DISP1: variants seen among roughly 807,000 people sequenced by gnomAD.
The protein encoded by DISP1 is protein dispatched homolog 1.
A neutral mutation model predicts 37.3 loss-of-function variants in DISP1; 30 were observed. The observed-to-expected ratio is 0.80, with a 90% CI of 0.60 to 1.09. The LOEUF (loss-of-function observed/expected upper bound fraction) is 1.09, where lower values mean the gene tolerates loss of function less well. Among genes scored for constraint, DISP1 ranks in the 50% least tolerant of loss-of-function variants. The pLI is 0.00. For synonymous variants in DISP1, 634 were observed against 690.2 expected, an observed-to-expected ratio of 0.92 and a Z score of 1.28; for missense variants, 1,598 against 1,879.5, an observed-to-expected ratio of 0.85 and a Z score of 2.77.
At chr1:222,930,937 C>T (rs1331332454) in intron 2 of DISP1, among the ~76,000 whole-genome samples, 2 of 151,926 alleles carry the variant, frequency 1.3e-5, no homozygotes, top group African/African-American at 4.8e-5. Flanking sequence ...CCAAGTTGCT[C>T]AGTAGACTAA....
intron 1 of DISP1, among the ~76,000 whole-genome samples, chr1:222,815,351 C>T (rs1660914490): frequency 6.6e-6 from 1 of 151,812 alleles, no homozygotes; most frequent in South Asian, 2.1e-4. Context: ...CTGGAGGTTG[C>T]GGATGACACG....
chr1:222,844,840 G>C (rs1489053687), intron 1 of DISP1, among the ~76,000 whole-genome samples: 1 of 152,114 alleles, frequency 6.6e-6, no homozygotes, highest in African/African-American at 2.4e-5. Flanking sequence ...AGCAAAGTGA[G>C]ATTTAGAATA....
intron 1 of DISP1, among the ~76,000 whole-genome samples, chr1:222,820,448 G>T (rs920112213): frequency 5.9e-5 from 9 of 152,174 alleles, no homozygotes; most frequent in African/African-American, 1.9e-4. Context: ...AAGTTACTGA[G>T]AGGGCTTCCT....
intron 3 of DISP1, among the ~76,000 whole-genome samples, chr1:222,946,188 A>G (rs1311950215): frequency 2.7e-5 from 4 of 148,360 alleles, no homozygotes; most frequent in African/African-American, 7.5e-5. Context: ...CCTAGCTAAC[A>G]CAGTGAAATC....
intron 1 of DISP1, among the ~76,000 whole-genome samples, chr1:222,832,853 G>A (rs34761499): frequency 0.11 from 16,528 of 151,236 alleles, 1,278 homozygotes; most frequent in South Asian, 0.16. Flanking sequence ...CCGAGGTCAC[G>A]CCACTGCACT....
At chr1:222,859,194 A>G (rs1393403863) in intron 1 of DISP1, among the ~76,000 whole-genome samples, 1 of 152,204 alleles carries the variant, frequency 6.6e-6, no homozygotes, top group Non-Finnish European at 1.5e-5. Context: ...ACATGGATGG[A>G]GCTGGAAGCC....
rs1673655926 is a variant in DISP1 at position 222,935,365 on chromosome 1, A to G, written c.-18+6795A>G. Among the ~76,000 whole-genome samples the G allele has an allele frequency of 2.0e-5, 3 of 152,182 alleles. No individual in the cohort carries two copies. In the South Asian group the frequency reaches 6.2e-4, roughly 31 times the overall value. On this transcript the variant is annotated intron_variant, in intron 2 of 8. Coordinates refer to ENST00000675850, the MANE Select transcript of DISP1 (RefSeq NM_001377229.1). Reference sequence around the variant, plus strand: ...ATCTGGTGAAGCAAAGAGTTATTCTAAAATACATCATCTGAGTGTACAGAA... The same window carrying G: ...ATCTGGTGAAGCAAAGAGTTATTCTGAAATACATCATCTGAGTGTACAGAA...
rs752301395 is a variant in DISP1 at position 223,002,634 on chromosome 1, A to G, written c.1237A>G (p.Asn413Asp). The change falls in exon 9 of 9, where the codon AAT becomes GAT. Residue 413 changes from asparagine to aspartate, a missense_variant. Asn to Asp is a conservative substitution (Grantham distance 23). Coordinates refer to ENST00000675850, the MANE Select transcript of DISP1 (RefSeq NM_001377229.1). ...AAGAAAGGACCAGCTCAAGTGCACC[A>G]ATGTGCCACGCAAATGTACCAAGTA... ...ARRKDQLKCT[N>D]VPRKCTKYNA... 1.9e-6 allele frequency: 3 copies of G among 1,614,072 alleles called. No individual in the cohort carries two copies. The African/African-American group carries it at 4.0e-5, about 22-fold the overall frequency.
chr1:222,919,159 CTTAA>C (rs1258663623), intron 1 of DISP1, among the ~76,000 whole-genome samples: 1 of 152,188 alleles, frequency 6.6e-6, no homozygotes, highest in Non-Finnish European at 1.5e-5. Flanking sequence ...AATTGCCTTT[CTTAA>C]TTAATTAAAA....
Position 223,004,275 on chromosome 1 carries a change from G to A in DISP1, c.2878G>A (p.Glu960Lys). The A allele has an allele frequency of 2.2e-5, 35 of 1,614,124 alleles. No homozygotes were observed. The highest frequency in any genetic ancestry group is 2.9e-5 in the Non-Finnish European group (34 of 1,180,002). The change falls in exon 9 of 9, where the codon GAA (glutamate) becomes AAA (lysine). Residue 960 changes from glutamate (E) to lysine (K), a missense_variant. Coordinates refer to ENST00000675850, the MANE Select transcript of DISP1 (RefSeq NM_001377229.1). The surrounding 1 kb of genome is among the most constrained non-coding windows in gnomAD (Gnocchi z 4.9). ...WISSELSSAPEGLSNGWFVSN... is the reference protein window; with the variant it reads ...WISSELSSAPKGLSNGWFVSN... ...ATCCAGTGAGCTGAGTTCGGCCCCT[G>A]AAGGCCTCAGCAATGGTTGGTTTGT...
Position 223,003,575 on chromosome 1 carries a change from T to G in DISP1, c.2178T>G (p.Leu726=). 6.2e-7 allele frequency: 1 copy of G among 1,614,240 alleles called. No individual in the cohort carries two copies. Among genetic ancestry groups the G allele is most frequent in the South Asian group, 1.1e-5 (1 of 91,090 alleles). Residue 726 remains leucine (L), a synonymous_variant, in exon 9 of 9, where the codon CTT becomes CTG. Coordinates refer to ENST00000675850, the MANE Select transcript of DISP1 (RefSeq NM_001377229.1). The surrounding 1 kb of genome is among the most constrained non-coding windows in gnomAD (Gnocchi z 4.3). The part of the protein sequence containing the change: ...KFRYLWLFWF[L]ALTVGGAYIV... ...GCTACCTTTGGCTGTTTTGGTTCCT[T>G]GCCTTAACTGTAGGTGGGGCCTACA...
chr1:222,851,776 C>CT (rs71178503), intron 1 of DISP1, among the ~76,000 whole-genome samples: 17,327 of 144,050 alleles, frequency 0.12, 1,347 homozygotes, highest in South Asian at 0.17. Context: ...GTAAATATTT[C>CT]TTTTTTTTTT....
At chr1:222,874,793 T>C (rs1261007674) in intron 1 of DISP1, among the ~76,000 whole-genome samples, 3 of 152,212 alleles carry the variant, frequency 2.0e-5, no homozygotes, top group Non-Finnish European at 2.9e-5. Flanking sequence ...TTTGTTCCGT[T>C]GCTGGTGAGG....
chr1:222,835,180 A>G (rs1666745423), intron 1 of DISP1: 1 of 152,216 alleles, frequency 6.6e-6, no homozygotes, highest in Non-Finnish European at 1.5e-5. Context: ...CTCAAAAGGC[A>G]TATACCAAGC....
At chr1:222,989,256 G>C in intron 4 of DISP1, 1 of 455,798 alleles carries the variant, frequency 2.2e-6, no homozygotes, top group Non-Finnish European at 2.9e-6. Context: ...AAATGAGCCA[G>C]AAATAGCCAT....
At position 223,002,991 on chromosome 1, in the gene DISP1, A is replaced by T. The variant is rs1177850554; in HGVS notation, c.1594A>T (p.Met532Leu). The T allele has an allele frequency of 6.2e-6, 10 of 1,613,874 alleles. No homozygotes were observed. Among genetic ancestry groups the T allele is most frequent in the Non-Finnish European group, 8.5e-6 (10 of 1,180,026 alleles). ...TKSMFITLMT[M>L]FAIISSLIVS... ...GTCCATGTTTATCACTCTGATGACA[A>T]TGTTTGCAATAATCAGTTCTTTGAT... The change falls in exon 9 of 9, where the codon ATG becomes TTG. Residue 532 changes from methionine to leucine, a missense_variant. Physicochemically the swap from Met to Leu is conservative, Grantham distance 15 (BLOSUM62 2). Coordinates refer to ENST00000675850, the MANE Select transcript of DISP1 (RefSeq NM_001377229.1).
intron 1 of DISP1, among the ~76,000 whole-genome samples, chr1:222,816,292 A>G (rs1661235078): frequency 6.6e-6 from 1 of 152,146 alleles, no homozygotes; most frequent in South Asian, 2.1e-4. Flanking sequence ...TGTGATTAAT[A>G]TGTGCTTCCT....
chr1:222,995,488 T>C (rs964068737), intron 8 of DISP1, among the ~76,000 whole-genome samples: 2 of 152,148 alleles, frequency 1.3e-5, no homozygotes, highest in African/African-American at 4.8e-5. Flanking sequence ...ATACAGTATC[T>C]ATGTAAATGA....
intron 1 of DISP1, among the ~76,000 whole-genome samples, chr1:222,883,582 A>G (rs1487171746): frequency 6.6e-6 from 1 of 152,238 alleles, no homozygotes; most frequent in Non-Finnish European, 1.5e-5. Flanking sequence ...GTGCCACTGC[A>G]CTCTAGCCTG....
Sources: gnomAD v4.1 joint callset for allele counts (sites outside exome capture counted in the v4.1 genomes callset) on GRCh38, gnomAD v4.1.1 for gene constraint, Gnocchi (gnomAD v3.1) non-coding constraint, MANE v1.5 for transcripts, NCBI Gene and HGNC (gene_info 2026-07-23, HGNC 2026-07-21) for gene names.